The following GNPTAB variants were observed in gnomAD, a reference collection of about 807,000 sequenced individuals.
GNPTAB encodes the protein N-acetylglucosamine-1-phosphotransferase subunits alpha/beta.
A neutral mutation model predicts 136.6 loss-of-function variants in GNPTAB; 92 were observed. The observed-to-expected ratio is 0.67, with a 90% confidence interval of 0.57 to 0.80. GNPTAB has a LOEUF of 0.80. GNPTAB is among the 30% of genes least tolerant of loss of function. GNPTAB has a pLI of 0.00. For missense variants in GNPTAB, 1,343 were observed against 1,501.8 expected (o/e 0.89, Z 1.75); for synonymous variants, 512 against 535.1 (o/e 0.96, Z 0.60).
rs558234007 is a variant in GNPTAB at position 101,753,549 on chromosome 12, C to G, written c.3435-10G>C. 4 of 1,610,286 alleles carry G rather than the reference C, an allele frequency of 2.5e-6. No individual in the cohort carries two copies. The highest frequency in any genetic ancestry group is 1.1e-5 in the South Asian group (1 of 91,042). The stretch of plus-strand genomic sequence containing the variant: ...CAGGCAAACAAACTTCCTGAAATAA[C>G]AGAGAGCCAGGGTTATTAGTTACAT... On this transcript the variant is annotated splice_polypyrimidine_tract_variant and intron_variant, in intron 18 of 20. Transcript: ENST00000299314.
At chr12:101,758,021 A>G (rs79193748) in intron 16 of GNPTAB, among the ~76,000 whole-genome samples, 1,686 of 150,912 alleles carry the variant, frequency 0.011, 42 homozygotes, top group African/African-American at 0.039. Flanking sequence ...CGACCCACAA[A>G]TAGTCTCATA....
At chr12:101,811,903 T>C (rs1364750279) in intron 1 of GNPTAB, among the ~76,000 whole-genome samples, 1 of 147,898 alleles carries the variant, frequency 6.8e-6, no homozygotes, top group East Asian at 2.2e-4. Context: ...CCTCCCAAAG[T>C]GCTGGGATTA....
At position 101,764,864 on chromosome 12, in the gene GNPTAB, A is replaced by T; in HGVS notation, c.2053T>A (p.Ser685Thr). ...ACCTCTTCCTGGGCTCTCCTTGTTG[A>T]GTTAACATCATGTCTCTTAAACTTC... ...FPKFKRHDVN[S>T]TRRAQEEVKI... The change falls in exon 13 of 21, where the codon TCA becomes ACA. Residue 685 changes from serine (S) to threonine (T), a missense_variant. Ser to Thr is a moderately conservative substitution (Grantham distance 58). Transcript: ENST00000299314. 6.2e-7 allele frequency: 1 copy of T among 1,614,178 alleles called. No individual in the cohort carries two copies. Among genetic ancestry groups the T allele is most frequent in the East Asian group, 2.2e-5 (1 of 44,882 alleles).
Position 101,746,895 on chromosome 12 carries a change from A to G in GNPTAB, c.*269T>C. On this transcript the variant is annotated 3_prime_UTR_variant, in exon 21 of 21. Transcript: ENST00000299314. ...AATTAACAGCTGTCTCTTGTCAGTG[A>G]GCCTTTTTATAAAAAGGATGACAGG... 2.5e-6 allele frequency: 1 copy of G among 404,878 alleles called. No homozygotes were observed. Among genetic ancestry groups the G allele is most frequent in the Non-Finnish European group, 4.5e-6 (1 of 220,968 alleles). 25.1% of individuals were successfully genotyped at this position (404,878 alleles called of 1,614,324 possible). A position where few individuals can be genotyped will look rare whatever the true frequency, so the allele number is the denominator to read the frequency against.
Position 101,789,997 on chromosome 12 carries a change from T to C in GNPTAB, c.264A>G (p.Glu88=), listed in dbSNP as rs1868888774. 4.3e-6 allele frequency: 7 copies of C among 1,614,182 alleles called. No homozygotes were observed. Among genetic ancestry groups the C allele is most frequent in the East Asian group, 2.2e-5 (1 of 44,884 alleles). ...VYTWVNGTDL[E]LLKELQQVRE... is the part of the protein sequence containing the mutation. ...TGACCTGCTGTAGTTCCTTCAGTAG[T>C]TCAAGATCTGTGCCATTCACCCAGG... is the stretch of plus-strand genomic sequence containing the variant. Residue 88 remains glutamate, a synonymous_variant, in exon 3 of 21, where the codon GAA becomes GAG. Transcript: ENST00000299314.
chr12:101,750,920 CCTGA>C (rs1198784927), intron 19 of GNPTAB, among the ~76,000 whole-genome samples: 2 of 152,116 alleles, frequency 1.3e-5, no homozygotes, highest in Non-Finnish European at 2.9e-5. Context: ...TTGGTTCACA[CCTGA>C]CTGACTGTTT....
chr12:101,802,869 C>T (rs767438487), intron 1 of GNPTAB, among the ~76,000 whole-genome samples: 9 of 152,106 alleles, frequency 5.9e-5, no homozygotes, highest in Non-Finnish European at 1.2e-4. Flanking sequence ...GAGGACAATA[C>T]TAAAAAGAAA....
intron 1 of GNPTAB, among the ~76,000 whole-genome samples, chr12:101,807,185 T>C (rs138105813): frequency 1.4e-3 from 215 of 152,350 alleles, no homozygotes; most frequent in African/African-American, 5.1e-3. Flanking sequence ...AAAAATTGTA[T>C]GACGATACCA....
chr12:101,750,766 A>C (rs1158743470), intron 19 of GNPTAB, among the ~76,000 whole-genome samples: 1 of 152,202 alleles, frequency 6.6e-6, no homozygotes, highest in Non-Finnish European at 1.5e-5. Context: ...AAAAACATAA[A>C]GATAGCAGCA....
chr12:101,797,227 T>A (rs1371129865), intron 1 of GNPTAB, among the ~76,000 whole-genome samples: 1 of 152,070 alleles, frequency 6.6e-6, no homozygotes, highest in Admixed American at 6.6e-5. Flanking sequence ...AAGCGTGACG[T>A]GCCTTCTGTG....
At chr12:101,748,527 G>A (rs190714378) in intron 20 of GNPTAB, among the ~76,000 whole-genome samples, 4 of 152,220 alleles carry the variant, frequency 2.6e-5, no homozygotes, top group Admixed American at 2.0e-4. Flanking sequence ...ATCTCCCTCC[G>A]ACTTCTGGAC....
At chr12:101,828,468 G>A (rs1871214661) in intron 1 of GNPTAB, among the ~76,000 whole-genome samples, 1 of 152,154 alleles carries the variant, frequency 6.6e-6, no homozygotes, top group Non-Finnish European at 1.5e-5. Flanking sequence ...GACCAGTCTG[G>A]CCAACATAGT....
intron 1 of GNPTAB, among the ~76,000 whole-genome samples, chr12:101,809,290 G>A (rs754278928): frequency 1.3e-5 from 2 of 152,204 alleles, no homozygotes; most frequent in Non-Finnish European, 2.9e-5. Context: ...ACAACACCAA[G>A]CCGGGAAAGA....
intron 2 of GNPTAB, among the ~76,000 whole-genome samples, chr12:101,791,737 A>G (rs1594238949): frequency 6.6e-6 from 1 of 152,190 alleles, no homozygotes; most frequent in South Asian, 2.1e-4. Flanking sequence ...AGTTGCTACC[A>G]TATTATCTCG....
chr12:101,802,526 AC>A (rs1464896453), intron 1 of GNPTAB, among the ~76,000 whole-genome samples: 1 of 152,120 alleles, frequency 6.6e-6, no homozygotes, highest in Non-Finnish European at 1.5e-5. Context: ...GGGGATTTAG[AC>A]AAAAACACCC....
intron 7 of GNPTAB, among the ~76,000 whole-genome samples, chr12:101,772,233 C>A (rs1953187704): frequency 6.6e-6 from 1 of 152,188 alleles, no homozygotes. Context: ...CTGAAAACCA[C>A]AAATGTAGGA....
At chr12:101,770,882 T>C in intron 8 of GNPTAB, 114 bp downstream of exon 8, 1 of 1,098,430 alleles carries the variant, frequency 9.1e-7, no homozygotes, top group Non-Finnish European at 1.4e-6. Context: ...TTAGAAAAAT[T>C]CCAATCAACT....
At chr12:101,814,435 G>A (rs1297815281) in intron 1 of GNPTAB, among the ~76,000 whole-genome samples, 2 of 152,178 alleles carry the variant, frequency 1.3e-5, no homozygotes, top group Non-Finnish European at 2.9e-5. Flanking sequence ...AGTGGCTCAC[G>A]TCTGTTAATT....
intron 1 of GNPTAB, among the ~76,000 whole-genome samples, chr12:101,814,561 G>A (rs963159282): frequency 6.6e-6 from 1 of 152,024 alleles, no homozygotes; most frequent in Non-Finnish European, 1.5e-5. Context: ...GCCGGGTGTG[G>A]TGGCAGGTGC....
Sources: gnomAD v4.1 joint callset for allele counts (sites outside exome capture counted in the v4.1 genomes callset) on GRCh38, gnomAD v4.1.1 for gene constraint, MANE v1.5 for transcripts, NCBI Gene and HGNC (gene_info 2026-07-23, HGNC 2026-07-21) for gene names.